The following SLC39A14 variants were observed in gnomAD, a reference collection of about 807,000 sequenced individuals.
SLC39A14 encodes solute carrier family 39 member 14.
Under a neutral mutation model 45.5 loss-of-function variants are expected in SLC39A14, and 19 were observed. The ratio of observed to expected loss-of-function variants is 0.42; its 90% CI spans 0.29 to 0.61. The LOEUF is 0.61. SLC39A14 is among the 20% of genes least tolerant of loss of function. The pLI is 0.22. For synonymous variants in SLC39A14, 264 were observed against 251.3 expected, an observed-to-expected ratio of 1.05 and a Z score of -0.48; for missense variants, 447 against 616.5, an observed-to-expected ratio of 0.73 and a Z score of 2.91.
chr8:22,405,004 A>C, intron 2 of SLC39A14, 24 bp downstream of exon 2: 1 of 1,605,440 alleles, frequency 6.2e-7, no homozygotes, highest in Non-Finnish European at 8.5e-7. Flanking sequence ...GTGAGCCAGC[A>C]GCTCTGCTCA....
In SLC39A14 at chr8:22,420,461, T is replaced by G; in HGVS notation, c.*763T>G. On this transcript the variant is annotated 3_prime_UTR_variant, in exon 9 of 9. Transcript: ENST00000381237. Reference sequence around the variant, plus strand: ...CTCTTTCAGGTTAACGCTGACAGAATGGAGGCTCAGGCTGTCTGCAAGAAA... The same window carrying G: ...CTCTTTCAGGTTAACGCTGACAGAAGGGAGGCTCAGGCTGTCTGCAAGAAA... 1.0e-6 allele frequency: 1 copy of G among 985,442 alleles called. No individual in the cohort carries two copies. The allele number at this position is 985,442 out of a possible 1,614,324, so 61.0% of individuals were successfully genotyped here.
downstream of SLC39A14, among the ~76,000 whole-genome samples, chr8:22,423,156 C>G (rs1291472067): frequency 6.6e-6 from 1 of 150,572 alleles, no homozygotes; most frequent in African/African-American, 2.4e-5. Context: ...CTTCTCTTTT[C>G]TTTCTTTGAG....
At chr8:22,425,042 A>AAAT, downstream of SLC39A14, among the ~76,000 whole-genome samples, 1 of 151,912 alleles carries the variant, frequency 6.6e-6, no homozygotes, top group East Asian at 1.9e-4. Flanking sequence ...AAAAAAAAAA[A>AAAT]AAAAAAAAGA....
At chr8:22,369,699 C>T (rs998769378) in intron 1 of SLC39A14, among the ~76,000 whole-genome samples, 33 of 152,160 alleles carry the variant, frequency 2.2e-4, no homozygotes, top group East Asian at 1.9e-4. Context: ...TTCCTGGCCC[C>T]GTCACTCTCC....
At chr8:22,411,338 A>G (rs1047690803) in intron 3 of SLC39A14, among the ~76,000 whole-genome samples, 1 of 152,164 alleles carries the variant, frequency 6.6e-6, no homozygotes, top group African/African-American at 2.4e-5. Context: ...GTGTTCCTGG[A>G]ACTCTGTTCT....
rs778265314 is a variant in SLC39A14, at chr8:22,419,536, C to T, written c.1333-16C>T. On this transcript the variant is annotated splice_polypyrimidine_tract_variant and intron_variant, in intron 8 of 8. Transcript: ENST00000381237. Reference sequence around the variant, plus strand: ...AGAAGGAATTGCAGCTGTGTTGTTTCTTGCTTCTTTCCCAGTTCCCTGAGA... The same window carrying T: ...AGAAGGAATTGCAGCTGTGTTGTTTTTTGCTTCTTTCCCAGTTCCCTGAGA... 9.3e-6 allele frequency: 15 copies of T among 1,606,200 alleles called. No individual in the cohort carries two copies. In the African/African-American group the frequency reaches 1.2e-4, roughly 13 times the overall value.
At chr8:22,433,299 C>T (rs1466409485) in intron 8 of SLC39A14, among the ~76,000 whole-genome samples, 2 of 152,062 alleles carry the variant, frequency 1.3e-5, no homozygotes, top group East Asian at 3.8e-4. Flanking sequence ...GGCACACAGT[C>T]CACACCTAAT....
At chr8:22,393,370 TAGGTCAGCTTG>T in intron 1 of SLC39A14, 8 of 365,646 alleles carry the variant, frequency 2.2e-5, no homozygotes, top group Non-Finnish European at 3.0e-5. Context: ...GGTGTCAGCC[TAGGTCAGCTTG>T]TCTGAGGGGA....
At chr8:22,426,997 A>G (rs1836398118), downstream of SLC39A14, among the ~76,000 whole-genome samples, 1 of 150,832 alleles carries the variant, frequency 6.6e-6, no homozygotes, top group Non-Finnish European at 1.5e-5. Context: ...CTCTCTTAAA[A>G]TATGGTTTGT....
At chr8:22,433,438 C>T (rs2132405918) in intron 8 of SLC39A14, among the ~76,000 whole-genome samples, 1 of 150,640 alleles carries the variant, frequency 6.6e-6, no homozygotes, top group South Asian at 2.1e-4. Context: ...TGTAATATGA[C>T]CTCAAACTCC....
intron 3 of SLC39A14, 85 bp from the exon 4 acceptor site, chr8:22,411,952 C>G: frequency 7.7e-7 from 1 of 1,301,364 alleles, no homozygotes; most frequent in Non-Finnish European, 1.0e-6. Context: ...CCACCTTCCT[C>G]CCGCTAAATG....
At chr8:22,405,003 C>T (rs764329180) in intron 2 of SLC39A14, 23 bp downstream of exon 2, 2 of 1,604,664 alleles carry the variant, frequency 1.2e-6, no homozygotes, top group Admixed American at 1.7e-5. Flanking sequence ...TGTGAGCCAG[C>T]AGCTCTGCTC....
chr8:22,417,630 T>C, intron 7 of SLC39A14, 21 bp from the exon 8 acceptor site: 3 of 1,607,196 alleles, frequency 1.9e-6, no homozygotes, highest in Non-Finnish European at 1.7e-6. Flanking sequence ...GTCCCTCCCC[T>C]TTTCATTCTC....
chr8:22,418,295 A>G (rs756329268), intron 8 of SLC39A14, among the ~76,000 whole-genome samples: 1 of 152,132 alleles, frequency 6.6e-6, no homozygotes, highest in Non-Finnish European at 1.5e-5. Flanking sequence ...AGCGGTTTTT[A>G]AGGGGGCATT....
chr8:22,405,122 G>A (rs985765332), intron 2 of SLC39A14, 142 bp downstream of exon 2: 30 of 712,886 alleles, frequency 4.2e-5, no homozygotes, highest in African/African-American at 4.1e-4. Flanking sequence ...AGAGTGGACA[G>A]GCTGATTCTT....
At chr8:22,382,677 T>TA (rs1252342891) in intron 1 of SLC39A14, among the ~76,000 whole-genome samples, 2 of 152,070 alleles carry the variant, frequency 1.3e-5, no homozygotes, top group African/African-American at 2.4e-5. Flanking sequence ...TGACTCTATT[T>TA]AAAAAAATAA....
intron 1 of SLC39A14, among the ~76,000 whole-genome samples, chr8:22,386,324 T>C (rs1833791297): frequency 6.6e-6 from 1 of 150,980 alleles, no homozygotes; most frequent in African/African-American, 2.4e-5. Flanking sequence ...TGGAGTGCAA[T>C]GGCACGATCT....
rs78627710 is a variant in SLC39A14 at position 22,407,188 on chromosome 8, G to A, written c.271-1122G>A. On this transcript the variant is annotated intron_variant, in intron 2 of 8. Transcript: ENST00000381237. ...AGTCCTATGGTTGAGGATGTGTGGGGCTGATCGGGCAGCACCACAGTTTTG... is the reference window on the plus strand; with the variant it reads ...AGTCCTATGGTTGAGGATGTGTGGGACTGATCGGGCAGCACCACAGTTTTG... Among the ~76,000 whole-genome samples, 269 of 152,288 alleles carry A rather than the reference G, an allele frequency of 1.8e-3. 6 individuals are homozygous for A. The East Asian group carries it at 0.044, about 25-fold the overall frequency.
chr8:22,370,974 G>A (rs911203347), intron 1 of SLC39A14, among the ~76,000 whole-genome samples: 6 of 152,188 alleles, frequency 3.9e-5, no homozygotes, highest in African/African-American at 1.4e-4. Context: ...GGACAGGAGG[G>A]CAGGCCCTAG....
Sources: allele counts gnomAD v4.1 joint callset (sites outside exome capture counted in the v4.1 genomes callset), GRCh38; gene constraint gnomAD v4.1.1; transcripts MANE v1.5; gene names NCBI Gene and HGNC (gene_info 2026-07-23, HGNC 2026-07-21).